Variants in ACTR3B observed in about 807,000 individuals in gnomAD.
ACTR3B encodes the protein actin-related protein 3B.
ACTR3B carries 8 observed loss-of-function variants against 59.0 expected under a neutral mutation model. The observed-to-expected ratio is 0.14, with a 90% confidence interval of 0.08 to 0.24. The LOEUF is 0.24. Ranked by LOEUF, ACTR3B falls within the 10% of genes least tolerant of loss-of-function variation. The pLI is 1.00. For missense variants in ACTR3B, 245 were observed against 552.3 expected, an observed-to-expected ratio of 0.44 and a Z score of 5.58; for synonymous variants, 148 against 197.9, an observed-to-expected ratio of 0.75 and a Z score of 2.12.
At chr7:152,763,534 C>T (rs188196216) in intron 1 of ACTR3B, among the ~76,000 whole-genome samples, 109 of 151,994 alleles carry the variant, frequency 7.2e-4, no homozygotes, top group African/African-American at 2.5e-3. Flanking sequence ...GGGAATTCTC[C>T]TGCTTCAGCC....
chr7:152,791,557 TA>T (rs1252798012), intron 2 of ACTR3B, among the ~76,000 whole-genome samples: 3 of 152,264 alleles, frequency 2.0e-5, no homozygotes, highest in African/African-American at 7.2e-5. Flanking sequence ...ACCCTGTCTC[TA>T]AAAAATAAAA....
At chr7:152,791,058 G>C (rs1054512140) in intron 2 of ACTR3B, among the ~76,000 whole-genome samples, 1 of 150,104 alleles carries the variant, frequency 6.7e-6, no homozygotes, top group African/African-American at 2.5e-5. Flanking sequence ...CTGTCGCCCA[G>C]GCTGGAGTAC....
At chr7:152,853,194 C>T (rs1798968757) in intron 10 of ACTR3B, among the ~76,000 whole-genome samples, 1 of 151,198 alleles carries the variant, frequency 6.6e-6, no homozygotes, top group Non-Finnish European at 1.5e-5. Context: ...AAAAAAAAAG[C>T]AGTGGGGTTA....
intron 1 of ACTR3B, among the ~76,000 whole-genome samples, chr7:152,763,559 GATTACAGGCA>G (rs2098097671): frequency 6.6e-6 from 1 of 151,862 alleles, no homozygotes; most frequent in South Asian, 2.1e-4. Context: ...GGGTAGCTGG[GATTACAGGCA>G]TGAGCCACCA....
At chr7:152,801,156 T>A (rs1422881459) in intron 3 of ACTR3B, among the ~76,000 whole-genome samples, 1 of 152,296 alleles carries the variant, frequency 6.6e-6, no homozygotes, top group East Asian at 1.9e-4. Flanking sequence ...CTTGGCTCAC[T>A]GCAGCCTCGA....
intron 4 of ACTR3B, among the ~76,000 whole-genome samples, chr7:152,804,884 C>T (rs1563110743): frequency 6.6e-6 from 1 of 152,046 alleles, no homozygotes; most frequent in Non-Finnish European, 1.5e-5. Context: ...GCTGAGACCG[C>T]CTGAGAACAA....
intron 1 of ACTR3B, among the ~76,000 whole-genome samples, chr7:152,767,832 G>T (rs988233024): frequency 2.0e-5 from 3 of 151,778 alleles, no homozygotes; most frequent in Non-Finnish European, 4.4e-5. Context: ...GGTTTTTCAT[G>T]GTAGTTACTC....
At chr7:152,778,782 TA>T (rs912331230) in intron 1 of ACTR3B, among the ~76,000 whole-genome samples, 10 of 144,690 alleles carry the variant, frequency 6.9e-5, no homozygotes, top group South Asian at 2.2e-4. Context: ...GTACAAAAAA[TA>T]AAAAAAAAAC....
At chr7:152,852,310 C>A in intron 10 of ACTR3B, 59 bp downstream of exon 10, 1 of 1,541,528 alleles carries the variant, frequency 6.5e-7, no homozygotes, top group Non-Finnish European at 8.7e-7. Flanking sequence ...CTGACCGGGG[C>A]CCTCCTGACA....
chr7:152,847,883 A>G (rs1255714892), intron 9 of ACTR3B, among the ~76,000 whole-genome samples: 1 of 152,158 alleles, frequency 6.6e-6, no homozygotes. Flanking sequence ...CCATCCCTAC[A>G]GTGGATAATG....
At chr7:152,817,590 G>A (rs1342014232) in intron 6 of ACTR3B, among the ~76,000 whole-genome samples, 4 of 152,110 alleles carry the variant, frequency 2.6e-5, no homozygotes, top group South Asian at 4.2e-4. Context: ...TGTCTGAAGA[G>A]GGTATTCAGA....
At chr7:152,764,445 A>G (rs1041328792) in intron 1 of ACTR3B, among the ~76,000 whole-genome samples, 25 of 152,020 alleles carry the variant, frequency 1.6e-4, no homozygotes, top group Admixed American at 1.3e-3. Context: ...CATCCTGGCT[A>G]ACACGGTGAA....
rs1796446431 is a variant in ACTR3B at position 152,824,826 on chromosome 7, T to C, written c.859-204T>C. The stretch of plus-strand genomic sequence containing the variant: ...TTTTTTCTTCACTAAATCCATACAT[T>C]TTACCTCATGAGGAGAAATGTGTCA... On this transcript the variant is annotated intron_variant, in intron 8 of 11. Coordinates refer to ENST00000256001, the MANE Select transcript of ACTR3B (RefSeq NM_020445.6). This position sits in a 1 kb window ranked among gnomAD's most constrained non-coding sequence, Gnocchi z 4.2. 6.6e-6 allele frequency among the ~76,000 whole-genome samples: 1 copy of C among 152,214 alleles called. No homozygotes were observed. The highest frequency in any genetic ancestry group is 2.1e-4 in the South Asian group (1 of 4,832).
chr7:152,844,056 A>T (rs1207080126), intron 9 of ACTR3B, among the ~76,000 whole-genome samples: 1 of 152,190 alleles, frequency 6.6e-6, no homozygotes. Flanking sequence ...ATTCTTTCTA[A>T]ATTAAAAAAT....
chr7:152,836,016 GGGTTGCCAGGCT>G (rs1797427449), intron 9 of ACTR3B, among the ~76,000 whole-genome samples: 1 of 149,354 alleles, frequency 6.7e-6, no homozygotes, highest in South Asian at 2.2e-4. Flanking sequence ...AGGGAAGGAG[GGGTTGCCAGGCT>G]GGTGAGGTGG....
At chr7:152,783,043 GTT>G (rs60952213) in intron 1 of ACTR3B, 142 bp from the exon 2 acceptor site, 8,879 of 308,328 alleles carry the variant, frequency 0.029, 20 homozygotes, top group East Asian at 0.066. Flanking sequence ...GTGATCACAA[GTT>G]TTTTTTTTTT....
chr7:152,824,431 T>C lies in ACTR3B; in HGVS notation c.859-599T>C, dbSNP rs1796415433. ...AAGCTTACTTTGATTTTTTAAAATA[T>C]TTCAAATGAAATGTAATTGAGTTGA... is the stretch of plus-strand genomic sequence containing the variant. On this transcript the variant is annotated intron_variant, in intron 8 of 11. Transcript: ENST00000256001. This position sits in a 1 kb window ranked among gnomAD's most constrained non-coding sequence, Gnocchi z 4.2. Among the ~76,000 whole-genome samples the C allele has an allele frequency of 6.6e-6, 1 of 152,232 alleles. No individual in the cohort carries two copies. Among genetic ancestry groups the C allele is most frequent in the African/African-American group, 2.4e-5 (1 of 41,458 alleles).
chr7:152,767,848 A>G (rs1168013889), intron 1 of ACTR3B, among the ~76,000 whole-genome samples: 10 of 151,966 alleles, frequency 6.6e-5, no homozygotes, highest in Non-Finnish European at 1.2e-4. Context: ...TACTCATTTT[A>G]TAACGTGCTG....
chr7:152,849,998 C>G (rs1798667230), intron 9 of ACTR3B, among the ~76,000 whole-genome samples: 1 of 151,574 alleles, frequency 6.6e-6, no homozygotes, highest in South Asian at 2.1e-4. Context: ...AGGCCAGCTT[C>G]TTCAGGTGGA....
Sources: allele counts gnomAD v4.1 joint callset (sites outside exome capture counted in the v4.1 genomes callset), GRCh38; gene constraint gnomAD v4.1.1; non-coding constraint Gnocchi (gnomAD v3.1); transcripts MANE v1.5; gene names NCBI Gene and HGNC (gene_info 2026-07-23, HGNC 2026-07-21).